The following BABAM2 variants were observed in gnomAD, a reference collection of about 807,000 sequenced individuals.
BABAM2 encodes the protein BRISC and BRCA1-A complex member 2.
BABAM2 carries 31 observed loss-of-function variants against 54.7 expected under a neutral mutation model. The observed-to-expected ratio is 0.57, with a 90% CI of 0.43 to 0.77. The LOEUF is 0.77. Among genes scored for constraint, BABAM2 ranks in the 30% least tolerant of loss-of-function variants. BABAM2 has a pLI of 0.00. For synonymous variants in BABAM2, 167 were observed against 162.9 expected (o/e 1.03, Z -0.19); for missense variants, 364 against 455.8 (o/e 0.80, Z 1.83).
intron 11 of BABAM2, among the ~76,000 whole-genome samples, chr2:28,299,622 A>T (rs528339277): frequency 6.6e-6 from 1 of 152,298 alleles, no homozygotes; most frequent in South Asian, 2.1e-4. Flanking sequence ...CATTGTGCTC[A>T]ATGCTAGGAA....
At chr2:28,026,163 AGACAGCG>A (rs1293771575) in intron 5 of BABAM2, among the ~76,000 whole-genome samples, 11 of 152,202 alleles carry the variant, frequency 7.2e-5, no homozygotes, top group Non-Finnish European at 1.5e-4. Context: ...CCATTGTGGA[AGACAGCG>A]TGGTGATTCC....
At chr2:28,145,721 A>G (rs1009151925) in intron 7 of BABAM2, among the ~76,000 whole-genome samples, 2 of 152,192 alleles carry the variant, frequency 1.3e-5, no homozygotes, top group Non-Finnish European at 2.9e-5. Context: ...CACCCTTTGC[A>G]GTTACTCCCA....
chr2:28,130,802 C>T (rs1210531298), intron 7 of BABAM2, among the ~76,000 whole-genome samples: 3 of 151,838 alleles, frequency 2.0e-5, no homozygotes, highest in Non-Finnish European at 4.4e-5. Flanking sequence ...TGCAGTGGTG[C>T]AATCTCGGCT....
intron 7 of BABAM2, among the ~76,000 whole-genome samples, chr2:28,217,973 G>T (rs956111854): frequency 6.6e-6 from 1 of 152,128 alleles, no homozygotes; most frequent in African/African-American, 2.4e-5. Context: ...AGGGATTTTT[G>T]TGTAACTTTT....
At chr2:28,195,721 G>GGAC (rs1251746445) in intron 7 of BABAM2, among the ~76,000 whole-genome samples, 1 of 152,200 alleles carries the variant, frequency 6.6e-6, no homozygotes, top group African/African-American at 2.4e-5. Context: ...GACTGTCATA[G>GGAC]GACAGTAAGT....
At chr2:28,220,954 T>C (rs574034132) in intron 7 of BABAM2, among the ~76,000 whole-genome samples, 1 of 152,262 alleles carries the variant, frequency 6.6e-6, no homozygotes, top group South Asian at 2.1e-4. Flanking sequence ...TGCAACGTGA[T>C]CATGTGTCTT....
At chr2:28,284,809 A>G (rs1686658478) in intron 10 of BABAM2, among the ~76,000 whole-genome samples, 1 of 152,214 alleles carries the variant, frequency 6.6e-6, no homozygotes, top group Admixed American at 6.5e-5. Context: ...AAAAGAAATT[A>G]TATAGACTCA....
chr2:27,944,932 T>C lies in BABAM2; in HGVS notation c.205+15024T>C, dbSNP rs1431596336. Among the ~76,000 whole-genome samples the C allele has an allele frequency of 1.3e-5, 2 of 152,266 alleles. 1 individual carries two copies. The highest frequency in any genetic ancestry group is 3.9e-4 in the East Asian group (2 of 5,184). ...TCTATATTCTTGCCAGTATTGGTATTGTTGATCCATTTTGAGCTACCTTTT... is the reference window on the plus strand; with the variant it reads ...TCTATATTCTTGCCAGTATTGGTATCGTTGATCCATTTTGAGCTACCTTTT... On this transcript the variant is annotated intron_variant, in intron 3 of 11. Transcript: ENST00000379624.
intron 4 of BABAM2, among the ~76,000 whole-genome samples, chr2:27,989,815 A>C (rs998211466): frequency 5.9e-5 from 9 of 152,194 alleles, no homozygotes; most frequent in Admixed American, 5.9e-4. Flanking sequence ...TTGAAATTGC[A>C]TTTAAAATTC....
chr2:28,242,551 A>G (rs1253901140), intron 9 of BABAM2, among the ~76,000 whole-genome samples: 2 of 152,072 alleles, frequency 1.3e-5, no homozygotes, highest in Non-Finnish European at 2.9e-5. Flanking sequence ...AGGTCTGATG[A>G]TAGCCCACCT....
chr2:28,209,505 T>C (rs1679228891), intron 7 of BABAM2, among the ~76,000 whole-genome samples: 1 of 152,212 alleles, frequency 6.6e-6, no homozygotes, highest in South Asian at 2.1e-4. Flanking sequence ...ATTTTTATAT[T>C]TCTGGACACT....
At position 27,982,824 on chromosome 2, in the gene BABAM2, GAAT is replaced by G. The variant is rs199556049; in HGVS notation, c.206-5164_206-5162del. Among the ~76,000 whole-genome samples, 953 of 145,630 alleles carry G rather than the reference GAAT, an allele frequency of 6.5e-3. 7 individuals carry two copies. The highest frequency in any genetic ancestry group is 8.0e-3 in the Non-Finnish European group (534 of 66,790). On this transcript the variant is annotated intron_variant, in intron 3 of 11. Coordinates refer to ENST00000379624, the MANE Select transcript of BABAM2 (RefSeq NM_199191.3). ...TTAAAATTTTTCTCCTTTTAAGGCT[GAAT>G]AATATTTCATTATGTGTACACACAC...
intron 6 of BABAM2, among the ~76,000 whole-genome samples, chr2:28,071,730 C>T (rs1664160939): frequency 6.6e-6 from 1 of 152,138 alleles, no homozygotes; most frequent in South Asian, 2.1e-4. Flanking sequence ...TCTATTTATT[C>T]CGTTTTCAAG....
At position 28,254,173 on chromosome 2, in the gene BABAM2, C is replaced by A. The variant is rs115414553; in HGVS notation, c.934+9311C>A. 4.6e-3 allele frequency among the ~76,000 whole-genome samples: 699 copies of A among 152,306 alleles called. 6 individuals carry two copies. The highest frequency in any genetic ancestry group is 0.016 in the African/African-American group (670 of 41,564). On this transcript the variant is annotated intron_variant, in intron 10 of 11. Coordinates refer to ENST00000379624, the MANE Select transcript of BABAM2 (RefSeq NM_199191.3). ...GAGGAGTAGGAACTGTGGCAAACTG[C>A]ACACTCCTTTCTATCCTCTTCATTG...
intron 6 of BABAM2, among the ~76,000 whole-genome samples, chr2:28,058,896 G>A (rs1000342346): frequency 8.5e-5 from 13 of 152,302 alleles, no homozygotes; most frequent in African/African-American, 3.1e-4. Context: ...TGATGGATTA[G>A]AGAGAAACAA....
intron 11 of BABAM2, among the ~76,000 whole-genome samples, chr2:28,301,479 C>T (rs1371757858): frequency 6.6e-6 from 1 of 152,206 alleles, no homozygotes. Flanking sequence ...GGGCAGAGCT[C>T]TTAACCTCTC....
Position 28,334,668 on chromosome 2 carries a change from A to G in BABAM2, c.1089-3782A>G, listed in dbSNP as rs565501684. ...GGGCCACAAGGCTCTCTCCGGCCGC[A>G]CTTCCATGTTGCTGGGGAAATAGCA... On this transcript the variant is annotated intron_variant, in intron 11 of 11. Transcript: ENST00000379624. Among the ~76,000 whole-genome samples, 50 of 152,280 alleles carry G rather than the reference A, an allele frequency of 3.3e-4. No homozygotes were observed. The South Asian group carries it at 5.8e-3, about 18-fold the overall frequency.
chr2:28,283,015 A>AGG (rs1558498534), intron 10 of BABAM2, among the ~76,000 whole-genome samples: 4 of 76,228 alleles, frequency 5.2e-5, no homozygotes, highest in Non-Finnish European at 6.7e-5. Flanking sequence ...AAAAAAAAAA[A>AGG]AAAGGAATGA....
At chr2:28,013,489 G>A (rs1674552486) in intron 4 of BABAM2, 2 of 431,164 alleles carry the variant, frequency 4.6e-6, no homozygotes, top group Non-Finnish European at 9.3e-6. Flanking sequence ...ATGGGAAAGT[G>A]GTTTTTCAGC....
Sources: allele counts gnomAD v4.1 joint callset (sites outside exome capture counted in the v4.1 genomes callset), GRCh38; gene constraint gnomAD v4.1.1; transcripts MANE v1.5; gene names NCBI Gene and HGNC (gene_info 2026-07-23, HGNC 2026-07-21).